AGBL4: variants seen among roughly 807,000 people sequenced by gnomAD.
AGBL4 encodes the protein cytosolic carboxypeptidase 6.
Under a neutral mutation model 66.4 loss-of-function variants are expected in AGBL4, and 58 were observed. That is an observed-to-expected ratio of 0.87 (90% CI 0.71 to 1.09). The LOEUF (loss-of-function observed/expected upper bound fraction) is 1.09. Among genes scored for constraint, AGBL4 ranks in the 50% least tolerant of loss-of-function variants. The pLI, the probability that AGBL4 is intolerant of heterozygous loss-of-function variation, is 0.00. For missense variants in AGBL4, 579 were observed against 631.0 expected (o/e 0.92, Z 0.88); for synonymous variants, 234 against 222.9 (o/e 1.05, Z -0.44).
At chr1:49,014,003 A>C (rs1414397988) in intron 5 of AGBL4, among the ~76,000 whole-genome samples, 5 of 152,182 alleles carry the variant, frequency 3.3e-5, no homozygotes, top group Non-Finnish European at 7.3e-5. Flanking sequence ...TATAAGGACA[A>C]TACTGTGTTT....
chr1:48,754,896 G>GGGT (rs1652306834), intron 6 of AGBL4, among the ~76,000 whole-genome samples: 2 of 152,224 alleles, frequency 1.3e-5, no homozygotes, highest in Admixed American at 6.5e-5. Context: ...GCAGGACCAG[G>GGGT]GGTCAGAAGA....
At chr1:48,549,103 C>G (rs376046480) in intron 11 of AGBL4, among the ~76,000 whole-genome samples, 2 of 152,190 alleles carry the variant, frequency 1.3e-5, no homozygotes, top group African/African-American at 4.8e-5. Context: ...TGCTCATACT[C>G]CTGCCCCTCC....
rs1036695589 is a variant in AGBL4, at chr1:49,038,054, C to A, written c.594+7530G>T. Among the ~76,000 whole-genome samples the A allele has an allele frequency of 2.6e-5, 4 of 152,088 alleles. No homozygotes were observed. In the East Asian group the frequency reaches 7.7e-4, roughly 29 times the overall value. On this transcript the variant is annotated intron_variant, in intron 5 of 13. Transcript: ENST00000371839. Reference sequence around the variant, plus strand: ...GTGCTACCTTCTAAATGAAATCTTACTCCCCAAACTGATCCTCTTTCCTGA... The same window carrying A: ...GTGCTACCTTCTAAATGAAATCTTAATCCCCAAACTGATCCTCTTTCCTGA...
At chr1:48,754,885 C>T (rs6669205) in intron 6 of AGBL4, among the ~76,000 whole-genome samples, 2,289 of 151,458 alleles carry the variant, frequency 0.015, 50 homozygotes, top group African/African-American at 0.052. Flanking sequence ...GAGAGAGGCA[C>T]GCAGGACCAG....
intron 4 of AGBL4, among the ~76,000 whole-genome samples, chr1:49,103,044 C>T (rs1392843591): frequency 1.3e-5 from 2 of 152,168 alleles, no homozygotes; most frequent in East Asian, 3.9e-4. Flanking sequence ...TAAATTTCTA[C>T]ATAGCTCAGC....
At chr1:49,292,323 A>G (rs1644555882) in intron 3 of AGBL4, among the ~76,000 whole-genome samples, 1 of 152,204 alleles carries the variant, frequency 6.6e-6, no homozygotes, top group Admixed American at 6.5e-5. Context: ...CAGCAGCAGG[A>G]GGCAGACAGG....
chr1:49,710,445 TG>T (rs1481828215), intron 2 of AGBL4, among the ~76,000 whole-genome samples: 2 of 152,004 alleles, frequency 1.3e-5, no homozygotes, highest in East Asian at 3.9e-4. Flanking sequence ...TTGGAGGTTG[TG>T]GGGCAAGGGG....
chr1:49,587,499 G>A (rs1383559353), intron 3 of AGBL4, among the ~76,000 whole-genome samples: 1 of 152,104 alleles, frequency 6.6e-6, no homozygotes, highest in Non-Finnish European at 1.5e-5. Context: ...CTAACGCAAT[G>A]TCATTGCATA....
intron 3 of AGBL4, among the ~76,000 whole-genome samples, chr1:49,262,525 T>C (rs1370885251): frequency 1.3e-5 from 2 of 152,112 alleles, no homozygotes; most frequent in Non-Finnish European, 2.9e-5. Flanking sequence ...CAAAAGAAGA[T>C]ATTTATGCAG....
chr1:49,022,140 T>C (rs969499764), intron 5 of AGBL4, among the ~76,000 whole-genome samples: 3 of 152,210 alleles, frequency 2.0e-5, no homozygotes, highest in African/African-American at 7.2e-5. Flanking sequence ...CACTTTAATG[T>C]AGGAAAGATA....
intron 3 of AGBL4, among the ~76,000 whole-genome samples, chr1:49,284,993 G>C (rs1277687475): frequency 1.3e-5 from 2 of 150,686 alleles, no homozygotes; most frequent in Non-Finnish European, 3.0e-5. Flanking sequence ...GGATACCCAG[G>C]AATTGAACTC....
intron 2 of AGBL4, among the ~76,000 whole-genome samples, chr1:49,810,225 T>C (rs1645066494): frequency 6.6e-6 from 1 of 152,128 alleles, no homozygotes. Context: ...CTGAAGTCTG[T>C]GGGACTCCAG....
At chr1:49,597,742 G>A (rs1280009297) in intron 3 of AGBL4, among the ~76,000 whole-genome samples, 1 of 152,172 alleles carries the variant, frequency 6.6e-6, no homozygotes, top group Admixed American at 6.5e-5. Context: ...CACATCCCTT[G>A]TAGGTTGTAT....
chr1:48,834,960 G>GATTTGTTCTTATA (rs1646642115), intron 6 of AGBL4, among the ~76,000 whole-genome samples: 2 of 152,108 alleles, frequency 1.3e-5, no homozygotes, highest in Admixed American at 1.3e-4. Context: ...CCAGCCTTGT[G>GATTTGTTCTTATA]ATTTGTTCTT....
intron 3 of AGBL4, among the ~76,000 whole-genome samples, chr1:49,316,160 C>A (rs537226431): frequency 1.3e-5 from 2 of 151,674 alleles, no homozygotes; most frequent in East Asian, 3.9e-4. Context: ...GGCACTGAAA[C>A]GATTATTCTG....
At chr1:49,600,793 A>C (rs949404783) in intron 3 of AGBL4, among the ~76,000 whole-genome samples, 5 of 152,178 alleles carry the variant, frequency 3.3e-5, no homozygotes, top group African/African-American at 7.2e-5. Context: ...GAGCTCTTAT[A>C]AGGCAGGCCC....
chr1:48,966,447 C>T (rs923044518), intron 5 of AGBL4, among the ~76,000 whole-genome samples: 2 of 152,132 alleles, frequency 1.3e-5, no homozygotes, highest in African/African-American at 4.8e-5. Context: ...ATAATACACA[C>T]ACCCAAGCCC....
intron 3 of AGBL4, among the ~76,000 whole-genome samples, chr1:49,289,230 A>C (rs1252352743): frequency 6.6e-6 from 1 of 152,216 alleles, no homozygotes; most frequent in African/African-American, 2.4e-5. Flanking sequence ...TGAAATTAAG[A>C]ATTTAACAGA....
chr1:49,622,358 G>A (rs1052223360), intron 3 of AGBL4, among the ~76,000 whole-genome samples: 4 of 152,048 alleles, frequency 2.6e-5, no homozygotes, highest in Non-Finnish European at 5.9e-5. Flanking sequence ...GGCCGGGCGC[G>A]GTGGCTCACG....
Sources: gnomAD v4.1 joint callset for allele counts (sites outside exome capture counted in the v4.1 genomes callset) on GRCh38, gnomAD v4.1.1 for gene constraint, MANE v1.5 for transcripts, NCBI Gene and HGNC (gene_info 2026-07-23, HGNC 2026-07-21) for gene names.